Variants in LRRTM4 observed in about 807,000 individuals in gnomAD.
LRRTM4 encodes the protein leucine rich repeat transmembrane neuronal 4.
Under a neutral mutation model 47.6 loss-of-function variants are expected in LRRTM4, and 25 were observed. That is an observed-to-expected ratio of 0.53 (90% confidence interval 0.38 to 0.73). The LOEUF is 0.73. Ranked by LOEUF, LRRTM4 falls within the 30% of genes least tolerant of loss-of-function variation. The probability of loss-of-function intolerance (pLI) is 0.00; values close to 1 mark genes in which losing one functional copy is unlikely to be tolerated. For synonymous variants in LRRTM4, 311 were observed against 269.5 expected, an observed-to-expected ratio of 1.15 and a Z score of -1.51; for missense variants, 638 against 713.4, an observed-to-expected ratio of 0.89 and a Z score of 1.20.
rs1425166435 is a variant in LRRTM4 at position 76,968,344 on chromosome 2, A to ATATATATGTGTG, written c.1552-219429_1552-219428insCACACATATATA. Among the ~76,000 whole-genome samples the ATATATATGTGTG allele has an allele frequency of 4.7e-4, 25 of 53,696 alleles. No individual in the cohort carries two copies. In the East Asian group the frequency reaches 7.5e-3, roughly 16 times the overall value. The allele number at this position is 53,696 out of a possible 152,430, so 35.2% of individuals were successfully genotyped here. On this transcript the variant is annotated intron_variant, in intron 3 of 3. Coordinates refer to ENST00000409884, the MANE Select transcript of LRRTM4 (RefSeq NM_001134745.3). ...AATACAAAAGTGTGTATGTGTGTAT[A>ATATATATGTGTG]TATATATATATATATATATATATAT... is the stretch of plus-strand genomic sequence containing the variant.
intron 3 of LRRTM4, among the ~76,000 whole-genome samples, chr2:77,262,084 A>C (rs1280245698): frequency 1.3e-5 from 2 of 151,948 alleles, no homozygotes; most frequent in African/African-American, 4.8e-5. Flanking sequence ...TAGGTTGCAC[A>C]CTCCTTATGA....
intron 3 of LRRTM4, among the ~76,000 whole-genome samples, chr2:77,261,338 G>A (rs2104041229): frequency 6.6e-6 from 1 of 152,156 alleles, no homozygotes; most frequent in South Asian, 2.1e-4. Flanking sequence ...CTAGTCAATG[G>A]GCTGTGAAGA....
intron 3 of LRRTM4, among the ~76,000 whole-genome samples, chr2:76,812,276 T>C (rs1670757110): frequency 6.6e-6 from 1 of 152,114 alleles, no homozygotes; most frequent in South Asian, 2.1e-4. Context: ...ATAAACTTCT[T>C]TGATGTTTAA....
At chr2:77,422,045 C>T (rs1263040634) in intron 3 of LRRTM4, among the ~76,000 whole-genome samples, 5 of 152,120 alleles carry the variant, frequency 3.3e-5, no homozygotes, top group East Asian at 1.9e-4. Flanking sequence ...ATCGTATAGC[C>T]TATTATACCG....
intron 3 of LRRTM4, among the ~76,000 whole-genome samples, chr2:77,154,523 C>A (rs1334671217): frequency 6.6e-6 from 1 of 151,990 alleles, no homozygotes; most frequent in Non-Finnish European, 1.5e-5. Context: ...ACTGCTGAAA[C>A]AAGTATACAT....
At chr2:77,248,061 A>T (rs1558652233) in intron 3 of LRRTM4, among the ~76,000 whole-genome samples, 2 of 150,898 alleles carry the variant, frequency 1.3e-5, no homozygotes, top group African/African-American at 4.8e-5. Context: ...TATAACCTGT[A>T]AAAATTACTG....
At chr2:77,335,331 C>A (rs897307681) in intron 3 of LRRTM4, among the ~76,000 whole-genome samples, 1 of 152,144 alleles carries the variant, frequency 6.6e-6, no homozygotes, top group Non-Finnish European at 1.5e-5. Flanking sequence ...ATTTCACCTA[C>A]CCTTCCTCTT....
chr2:77,147,908 T>A (rs573168784), intron 3 of LRRTM4, among the ~76,000 whole-genome samples: 7 of 152,296 alleles, frequency 4.6e-5, no homozygotes, highest in Admixed American at 3.3e-4. Context: ...TTTTAAGCAT[T>A]GAGGGTTTAT....
chr2:77,088,275 G>A (rs182204208), intron 3 of LRRTM4, among the ~76,000 whole-genome samples: 58 of 152,272 alleles, frequency 3.8e-4, no homozygotes, highest in African/African-American at 1.3e-3. Flanking sequence ...TGACTTGCAC[G>A]TATACGCCCA....
intron 3 of LRRTM4, among the ~76,000 whole-genome samples, chr2:76,890,524 TA>T (rs1321099216): frequency 6.6e-6 from 1 of 151,978 alleles, no homozygotes; most frequent in Non-Finnish European, 1.5e-5. Flanking sequence ...CAGACTCAGT[TA>T]ACACTTTAAT....
intron 3 of LRRTM4, among the ~76,000 whole-genome samples, chr2:77,489,930 T>C (rs1678071355): frequency 6.6e-6 from 1 of 152,176 alleles, no homozygotes; most frequent in Non-Finnish European, 1.5e-5. Context: ...CCAGAAGTCA[T>C]ATCCCTTATG....
At chr2:77,314,550 T>TA (rs1254211782) in intron 3 of LRRTM4, among the ~76,000 whole-genome samples, 9 of 152,316 alleles carry the variant, frequency 5.9e-5, no homozygotes, top group African/African-American at 1.9e-4. Context: ...GCAGGATTAC[T>TA]AATTAAAAGT....
intron 3 of LRRTM4, among the ~76,000 whole-genome samples, chr2:77,480,822 G>GGAGAGA (rs67377276): frequency 0.016 from 1,218 of 74,442 alleles, 50 homozygotes; most frequent in Non-Finnish European, 0.022. Flanking sequence ...GTGTGTGTGT[G>GGAGAGA]GAGAGAGAGA....
chr2:77,521,998 C>G, intron 1 of LRRTM4, 111 bp downstream of exon 1: 3 of 682,938 alleles, frequency 4.4e-6, no homozygotes, highest in Non-Finnish European at 8.1e-6. Context: ...TGTAATTCAC[C>G]AGAGACCCAT....
chr2:76,765,503 C>T (rs1179248141), intron 3 of LRRTM4, among the ~76,000 whole-genome samples: 1 of 152,096 alleles, frequency 6.6e-6, no homozygotes, highest in Non-Finnish European at 1.5e-5. Flanking sequence ...GTAACTAAGG[C>T]TAAATGAGGT....
Position 76,886,420 on chromosome 2 carries a change from G to C in LRRTM4, c.1552-137504C>G, listed in dbSNP as rs1028704160. Reference sequence around the variant, plus strand: ...CTTTAGTTAAGTTTCTCTGCTTTAGGTTGTTCCCTTGAGAGTCAAGAGTAA... The same window carrying C: ...CTTTAGTTAAGTTTCTCTGCTTTAGCTTGTTCCCTTGAGAGTCAAGAGTAA... On this transcript the variant is annotated intron_variant, in intron 3 of 3. Transcript: ENST00000409884. Among the ~76,000 whole-genome samples, 11 of 151,954 alleles carry C rather than the reference G, an allele frequency of 7.2e-5. No individual in the cohort carries two copies. In the South Asian group the frequency reaches 1.5e-3, roughly 20 times the overall value.
chr2:76,841,310 G>C (rs186419633), intron 3 of LRRTM4, among the ~76,000 whole-genome samples: 3,768 of 151,530 alleles, frequency 0.025, 58 homozygotes, highest in Admixed American at 0.035. Context: ...AGTATTAGGA[G>C]ATATACCTAA....
At chr2:77,468,090 C>T (rs1388204776) in intron 3 of LRRTM4, among the ~76,000 whole-genome samples, 2 of 152,100 alleles carry the variant, frequency 1.3e-5, no homozygotes, top group African/African-American at 4.8e-5. Context: ...AAATATCCAT[C>T]ATGGACTATC....
chr2:76,919,479 T>A (rs1007050603), intron 3 of LRRTM4, among the ~76,000 whole-genome samples: 1 of 152,122 alleles, frequency 6.6e-6, no homozygotes, highest in African/African-American at 2.4e-5. Context: ...TGTGTGAGGT[T>A]TGAGCAACCC....
Sources: allele counts gnomAD v4.1 joint callset (sites outside exome capture counted in the v4.1 genomes callset), GRCh38; gene constraint gnomAD v4.1.1; transcripts MANE v1.5; gene names NCBI Gene and HGNC (gene_info 2026-07-23, HGNC 2026-07-21).